Variants in C1orf21 observed in about 807,000 individuals in gnomAD.
The protein encoded by C1orf21 is chromosome 1 open reading frame 21, also known as uncharacterized protein C1orf21.
C1orf21 carries 3 observed loss-of-function variants against 18.7 expected under a neutral mutation model. The observed-to-expected ratio is 0.16, with a 90% CI of 0.07 to 0.42. C1orf21 has a LOEUF of 0.42. Among genes scored for constraint, C1orf21 ranks in the 10% least tolerant of loss-of-function variants. The probability of loss-of-function intolerance (pLI) is 0.99; values close to 1 mark genes in which losing one functional copy is unlikely to be tolerated. For synonymous variants in C1orf21, 41 were observed against 46.4 expected (o/e 0.88, Z 0.47); for missense variants, 104 against 143.6 (o/e 0.72, Z 1.41).
At chr1:184,432,353 G>T (rs1258498676) in intron 1 of C1orf21, among the ~76,000 whole-genome samples, 2 of 152,200 alleles carry the variant, frequency 1.3e-5, no homozygotes, top group African/African-American at 4.8e-5. Context: ...AAAAGGATGA[G>T]TTCATGTCCT....
At chr1:184,449,049 C>A (rs1050904261) in intron 1 of C1orf21, among the ~76,000 whole-genome samples, 2 of 149,010 alleles carry the variant, frequency 1.3e-5, no homozygotes, top group African/African-American at 2.6e-5. Context: ...AACTAGATTT[C>A]TTTTATTATT....
chr1:184,619,662 A>C lies in C1orf21; in HGVS notation c.*106A>C. 1.0e-6 allele frequency: 1 copy of C among 998,372 alleles called. No individual in the cohort carries two copies. Among genetic ancestry groups the C allele is most frequent in the Non-Finnish European group, 1.5e-6 (1 of 666,254 alleles). 61.8% of individuals were successfully genotyped at this position (998,372 alleles called of 1,614,324 possible). A position where few individuals can be genotyped will look rare whatever the true frequency, so the allele number is the denominator to read the frequency against. On this transcript the variant is annotated 3_prime_UTR_variant, in exon 6 of 6. Transcript: ENST00000235307. ...TCTATTCAGCGAACAGCACTATAGC[A>C]AAAGAAGATCGTTCCATATTGTACG...
intron 3 of C1orf21, among the ~76,000 whole-genome samples, chr1:184,558,729 G>C (rs1366169042): frequency 2.6e-5 from 4 of 152,186 alleles, no homozygotes; most frequent in Non-Finnish European, 5.9e-5. Flanking sequence ...CTCTGAAATA[G>C]TGATAATAAT....
At chr1:184,595,851 G>A (rs977326855) in intron 4 of C1orf21, among the ~76,000 whole-genome samples, 3 of 152,174 alleles carry the variant, frequency 2.0e-5, no homozygotes, top group Admixed American at 2.0e-4. Context: ...TCAGTCTGGT[G>A]TGTGACTCTT....
intron 1 of C1orf21, among the ~76,000 whole-genome samples, chr1:184,392,508 G>A (rs932067742): frequency 5.3e-5 from 8 of 152,304 alleles, no homozygotes; most frequent in African/African-American, 1.9e-4. Flanking sequence ...CTATTTGGGT[G>A]ATGGGTACAC....
At chr1:184,565,113 CA>C (rs1032435808) in intron 3 of C1orf21, among the ~76,000 whole-genome samples, 1 of 152,082 alleles carries the variant, frequency 6.6e-6, no homozygotes, top group Non-Finnish European at 1.5e-5. Context: ...GATGTTAGAA[CA>C]AAAAAGTATT....
intron 3 of C1orf21, among the ~76,000 whole-genome samples, chr1:184,557,586 C>T (rs933103456): frequency 2.6e-5 from 4 of 152,088 alleles, no homozygotes; most frequent in Non-Finnish European, 5.9e-5. Flanking sequence ...TATTTCATTC[C>T]TTTTTATGGC....
chr1:184,617,912 T>G lies in C1orf21; in HGVS notation c.328-1606T>G, dbSNP rs1226972084. ...GGCAGTTTGTTGTTGTTGTTTTTTT[T>G]TTTTTTTTTTTTTTTGAGATAGAGT... is the stretch of plus-strand genomic sequence containing the variant. On this transcript the variant is annotated intron_variant, in intron 5 of 5. Transcript: ENST00000235307. Among the ~76,000 whole-genome samples, 265 of 145,840 alleles carry G rather than the reference T, an allele frequency of 1.8e-3. 3 individuals are homozygous for G. The highest frequency in any genetic ancestry group is 6.4e-3 in the African/African-American group (253 of 39,590).
intron 5 of C1orf21, 84 bp from the exon 6 acceptor site, chr1:184,619,434 G>A (rs928620500): frequency 7.0e-7 from 1 of 1,436,156 alleles, no homozygotes; most frequent in Non-Finnish European, 9.7e-7. Context: ...GACATATATT[G>A]AGAGAAAATT....
intron 1 of C1orf21, among the ~76,000 whole-genome samples, chr1:184,401,534 T>G (rs1168949593): frequency 6.6e-6 from 1 of 152,180 alleles, no homozygotes; most frequent in Non-Finnish European, 1.5e-5. Flanking sequence ...GCCCCCTTTA[T>G]TTTATATTAG....
At chr1:184,591,052 T>C (rs1283694921) in intron 4 of C1orf21, among the ~76,000 whole-genome samples, 1 of 152,144 alleles carries the variant, frequency 6.6e-6, no homozygotes, top group Admixed American at 6.5e-5. Context: ...ATTTAGAGTA[T>C]ATGAGAGGAT....
intron 1 of C1orf21, among the ~76,000 whole-genome samples, chr1:184,425,005 A>G (rs1310045416): frequency 2.6e-5 from 4 of 152,192 alleles, no homozygotes; most frequent in African/African-American, 9.6e-5. Flanking sequence ...TAAAAAACTT[A>G]GGTGGAGGTC....
At chr1:184,571,315 A>T (rs1045821313) in intron 3 of C1orf21, among the ~76,000 whole-genome samples, 1 of 151,572 alleles carries the variant, frequency 6.6e-6, no homozygotes, top group East Asian at 1.9e-4. Context: ...AAAAAAAAAA[A>T]AAAGAAAAGG....
intron 2 of C1orf21, among the ~76,000 whole-genome samples, chr1:184,503,385 C>T (rs112227494): frequency 6.4e-4 from 98 of 152,024 alleles, no homozygotes; most frequent in African/African-American, 2.4e-3. Context: ...TAAGTTTACT[C>T]CAAATTTAGA....
At chr1:184,413,625 A>G (rs1227093482) in intron 1 of C1orf21, among the ~76,000 whole-genome samples, 2 of 152,256 alleles carry the variant, frequency 1.3e-5, no homozygotes, top group Non-Finnish European at 1.5e-5. Context: ...AACCCGAGGC[A>G]TTGAGTCTGT....
chr1:184,576,138 T>C (rs1370767342), intron 3 of C1orf21, among the ~76,000 whole-genome samples: 1 of 152,020 alleles, frequency 6.6e-6, no homozygotes, highest in Non-Finnish European at 1.5e-5. Context: ...TTTCTTTTTT[T>C]TTTTGGCATA....
intron 1 of C1orf21, among the ~76,000 whole-genome samples, chr1:184,394,456 A>G (rs1656019039): frequency 6.6e-6 from 1 of 152,202 alleles, no homozygotes; most frequent in South Asian, 2.1e-4. Flanking sequence ...CCATCATCAT[A>G]GATACAAGTG....
At chr1:184,592,275 A>G (rs891441052) in intron 4 of C1orf21, 1 of 152,236 alleles carries the variant, frequency 6.6e-6, no homozygotes, top group African/African-American at 2.4e-5. Context: ...TAACTTGAAG[A>G]AAAAGATTAT....
intron 1 of C1orf21, among the ~76,000 whole-genome samples, chr1:184,422,182 G>T (rs755195190): frequency 6.6e-6 from 1 of 152,152 alleles, no homozygotes; most frequent in Non-Finnish European, 1.5e-5. Context: ...CATCAGGGCC[G>T]TGTGGATGTT....
Sources: gnomAD v4.1 joint callset for allele counts (sites outside exome capture counted in the v4.1 genomes callset) on GRCh38, gnomAD v4.1.1 for gene constraint, MANE v1.5 for transcripts, NCBI Gene and HGNC (gene_info 2026-07-23, HGNC 2026-07-21) for gene names.